PALD1: variants seen among roughly 807,000 people sequenced by gnomAD.
PALD1 encodes paladin.
A neutral mutation model predicts 96.0 loss-of-function variants in PALD1; 57 were observed. That is an observed-to-expected ratio of 0.59 (90% confidence interval 0.48 to 0.74). The LOEUF is 0.74. Ranked by LOEUF, PALD1 falls within the 30% of genes least tolerant of loss-of-function variation. The probability of loss-of-function intolerance (pLI) is 0.00; values close to 1 mark genes in which losing one functional copy is unlikely to be tolerated. For missense variants in PALD1, 1,063 were observed against 1,143.7 expected (o/e 0.93, Z 1.02); for synonymous variants, 464 against 473.6 (o/e 0.98, Z 0.26).
chr10:70,479,893 TCAGGAGGCTCAGCCCCTGGGGG>T (rs1307197650), intron 1 of PALD1, among the ~76,000 whole-genome samples: 1 of 151,992 alleles, frequency 6.6e-6, no homozygotes, highest in African/African-American at 2.4e-5. Context: ...GATTCTGTCC[TCAGGAGGCTCAGCCCCTGGGGG>T]CAAGACAGGA....
At chr10:70,537,120 T>C (rs1847129983) in intron 10 of PALD1, among the ~76,000 whole-genome samples, 2 of 152,106 alleles carry the variant, frequency 1.3e-5, no homozygotes, top group Admixed American at 6.5e-5. Flanking sequence ...TTCTTTTTTT[T>C]TTTTTGAGAC....
At position 70,534,814 on chromosome 10, in the gene PALD1, G is replaced by A; in HGVS notation, c.1198G>A (p.Glu400Lys). 6.2e-7 allele frequency: 1 copy of A among 1,612,088 alleles called. No homozygotes were observed. Among genetic ancestry groups the A allele is most frequent in the Non-Finnish European group, 8.5e-7 (1 of 1,179,002 alleles). Reference sequence around the variant, plus strand: ...GGTCTTGGAAAACCAGAAGAAGTTAGAAGGTATCCGACCGGAGAGCCCAGC... The same window carrying A: ...GGTCTTGGAAAACCAGAAGAAGTTAAAAGGTATCCGACCGGAGAGCCCAGC... ...EVVLENQKKL[E>K]GIRPESPAQG... The change falls in exon 10 of 20, where the codon GAA becomes AAA. Residue 400 changes from glutamate to lysine, a missense_variant. Physicochemically the swap from Glu to Lys is moderately conservative, Grantham distance 56. Coordinates refer to ENST00000263563, the MANE Select transcript of PALD1 (RefSeq NM_014431.3).
intron 1 of PALD1, among the ~76,000 whole-genome samples, chr10:70,495,225 A>G (rs574262276): frequency 2.1e-4 from 32 of 152,218 alleles, no homozygotes; most frequent in Non-Finnish European, 4.3e-4. Flanking sequence ...TGTCATATCT[A>G]AAATATGTTC....
the PALD1 span, among the ~76,000 whole-genome samples, chr10:70,461,414 T>G: frequency 2.0e-5 from 3 of 152,232 alleles, no homozygotes; most frequent in Non-Finnish European, 2.9e-5. Context: ...CCCCACCAGA[T>G]GGCAAGCTCC....
intron 1 of PALD1, among the ~76,000 whole-genome samples, chr10:70,518,485 A>G (rs2132334005): frequency 6.6e-6 from 1 of 152,312 alleles, no homozygotes; most frequent in South Asian, 2.1e-4. Flanking sequence ...AGTTACTCAT[A>G]TCTTCCTCAG....
At chr10:70,522,338 T>C (rs567192627) in intron 1 of PALD1, among the ~76,000 whole-genome samples, 2 of 152,290 alleles carry the variant, frequency 1.3e-5, no homozygotes, top group Non-Finnish European at 1.5e-5. Context: ...TTCACCTGAA[T>C]CATGAGGACC....
intron 1 of PALD1, among the ~76,000 whole-genome samples, chr10:70,517,013 G>A (rs893443072): frequency 2.0e-5 from 3 of 152,086 alleles, no homozygotes; most frequent in African/African-American, 7.2e-5. Context: ...AGCTTCAGAG[G>A]CCAATGGGCC....
intron 18 of PALD1, among the ~76,000 whole-genome samples, chr10:70,557,855 G>T (rs368247576): frequency 1.4e-4 from 22 of 152,150 alleles, no homozygotes; most frequent in Middle Eastern, 3.4e-3. Flanking sequence ...GTAATGGCAG[G>T]GGGTGGCAGG....
intron 18 of PALD1, among the ~76,000 whole-genome samples, chr10:70,556,279 C>CCTCCCTCTCTCCCTCTCT (rs527928462): frequency 0.027 from 3,449 of 128,648 alleles, 82 homozygotes; most frequent in Non-Finnish European, 0.033. Flanking sequence ...GTAGCCGAGA[C>CCTCCCTCTCTCCCTCTCT]CTCTCTCTCT....
At chr10:70,496,011 AAACAACAACAAC>A (rs138584752) in intron 1 of PALD1, among the ~76,000 whole-genome samples, 29 of 151,046 alleles carry the variant, frequency 1.9e-4, no homozygotes, top group African/African-American at 6.9e-4. Context: ...ACTCTATCTC[AAACAACAACAAC>A]AACAACAACA....
chr10:70,464,034 C>T, the PALD1 span, among the ~76,000 whole-genome samples: 20 of 152,080 alleles, frequency 1.3e-4, no homozygotes, highest in Admixed American at 3.3e-4. Flanking sequence ...TCCACGTAAC[C>T]CCTATCCAGA....
rs754065380 is a variant in PALD1 at position 70,534,574 on chromosome 10, T to C, written c.1122+50T>C. The C allele has an allele frequency of 1.7e-5, 23 of 1,321,866 alleles. No homozygotes were observed. In the East Asian group the frequency reaches 1.9e-4, roughly 11 times the overall value. The allele number at this position is 1,321,866 out of a possible 1,614,324, so 81.9% of individuals were successfully genotyped here. A position where few individuals can be genotyped will look rare whatever the true frequency, so the allele number is the denominator to read the frequency against. On this transcript the variant is annotated intron_variant, in intron 9 of 19. Coordinates refer to ENST00000263563, the MANE Select transcript of PALD1 (RefSeq NM_014431.3). ...GGGGCAGGGGTGGTGGAGGGGACGG[T>C]CACTCCTCTCACTGGTCGGGGCTCT...
At chr10:70,546,803 T>C (rs1847374431) in intron 17 of PALD1, among the ~76,000 whole-genome samples, 1 of 152,108 alleles carries the variant, frequency 6.6e-6, no homozygotes, top group Non-Finnish European at 1.5e-5. Context: ...TACAAGATAT[T>C]AGCCAGGCGT....
chr10:70,458,954 C>T, the PALD1 span, among the ~76,000 whole-genome samples: 1 of 152,254 alleles, frequency 6.6e-6, no homozygotes, highest in African/African-American at 2.4e-5. Context: ...GGGCCCCGCA[C>T]ACCATCACCG....
intron 1 of PALD1, among the ~76,000 whole-genome samples, chr10:70,505,437 A>T (rs1161283010): frequency 6.6e-6 from 1 of 152,166 alleles, no homozygotes; most frequent in South Asian, 2.1e-4. Context: ...CCCCATCTCT[A>T]CTAAAAAAAA....
chr10:70,525,112 G>A (rs560104066), intron 1 of PALD1, among the ~76,000 whole-genome samples: 6 of 151,764 alleles, frequency 4.0e-5, no homozygotes, highest in East Asian at 1.9e-4. Context: ...AGCGATTCTC[G>A]TGCCTCAGCC....
intron 1 of PALD1, among the ~76,000 whole-genome samples, chr10:70,513,805 C>T (rs529026371): frequency 5.3e-4 from 81 of 152,290 alleles, no homozygotes; most frequent in African/African-American, 1.9e-3. Context: ...ATAGACAGAG[C>T]GGCAGAGCAG....
chr10:70,558,146 C>CT (rs1372218526), intron 18 of PALD1, among the ~76,000 whole-genome samples: 1 of 151,840 alleles, frequency 6.6e-6, no homozygotes, highest in Non-Finnish European at 1.5e-5. Context: ...GGATCTTGCT[C>CT]TGTTGCCTGG....
intron 18 of PALD1, among the ~76,000 whole-genome samples, chr10:70,556,306 C>CTG (rs1491407986): frequency 7.3e-6 from 1 of 137,304 alleles, no homozygotes; most frequent in Non-Finnish European, 1.5e-5. Context: ...CTCTCTCTCT[C>CTG]TGTCTCTGTC....
Sources: allele counts gnomAD v4.1 joint callset (sites outside exome capture counted in the v4.1 genomes callset), GRCh38; gene constraint gnomAD v4.1.1; transcripts MANE v1.5; gene names NCBI Gene and HGNC (gene_info 2026-07-23, HGNC 2026-07-21).